Variants in TBC1D4 observed in about 807,000 individuals in gnomAD.
TBC1D4 encodes the protein TBC1 domain family member 4, also known as TBC (Tre-2, BUB2, CDC16) domain-containing protein.
TBC1D4 carries 121 observed loss-of-function variants against 142.5 expected under a neutral mutation model. The ratio of observed to expected loss-of-function variants is 0.85; its 90% confidence interval spans 0.73 to 0.99. The LOEUF is 0.99. Among genes scored for constraint, TBC1D4 ranks in the 50% least tolerant of loss-of-function variants. The pLI is 0.00. For synonymous variants in TBC1D4, 630 were observed against 628.2 expected (o/e 1.00, Z -0.04); for missense variants, 1,475 against 1,606.6 (o/e 0.92, Z 1.40).
In TBC1D4 at chr13:75,482,029, T is replaced by G. The variant is rs7329179; in HGVS notation, c.-262A>C. The stretch of plus-strand genomic sequence containing the variant: ...CGGGTTAAATGGGCATCCTCCTCCT[T>G]GGGCTGGCGCCTCGGGCAGGACCTC... On this transcript the variant is annotated 5_prime_UTR_variant, in exon 1 of 21. Coordinates refer to ENST00000377636, the MANE Select transcript of TBC1D4 (RefSeq NM_014832.5). 5.2e-6 allele frequency: 2 copies of G among 386,144 alleles called. No individual in the cohort carries two copies. Among genetic ancestry groups the G allele is most frequent in the African/African-American group, 2.1e-5 (1 of 47,718 alleles). 23.9% of individuals were successfully genotyped at this position (386,144 alleles called of 1,614,324 possible). A position where few individuals can be genotyped will look rare whatever the true frequency, so the allele number is the denominator to read the frequency against.
chr13:75,398,839 G>C (rs529992494), intron 1 of TBC1D4, among the ~76,000 whole-genome samples: 1 of 152,214 alleles, frequency 6.6e-6, no homozygotes, highest in African/African-American at 2.4e-5. Flanking sequence ...AAAGATCTGA[G>C]GACCTGTCTC....
chr13:75,436,651 T>C (rs1237811960), intron 1 of TBC1D4, among the ~76,000 whole-genome samples: 1 of 147,716 alleles, frequency 6.8e-6, no homozygotes, highest in Admixed American at 6.7e-5. Flanking sequence ...AGTGAGACCC[T>C]GTCTCCAAAA....
rs141957260 is a variant in TBC1D4 at position 75,326,547 on chromosome 13, T to C, written c.1807-124A>G. ...TCCTGAGTCATGACAAAACTGTTTT[T>C]CCTCCCCCTTTTACTTAATTTATGC... On this transcript the variant is annotated intron_variant, in intron 9 of 20. Coordinates refer to ENST00000377636, the MANE Select transcript of TBC1D4 (RefSeq NM_014832.5). The C allele has an allele frequency of 1.1e-4, 107 of 1,001,606 alleles. No homozygotes were observed. The African/African-American group carries it at 1.7e-3, about 16-fold the overall frequency. 62.0% of individuals were successfully genotyped at this position (1,001,606 alleles called of 1,614,324 possible).
chr13:75,366,426 G>T lies in TBC1D4; in HGVS notation c.499-3819C>A, dbSNP rs137954863. Among the ~76,000 whole-genome samples, 384 of 141,726 alleles carry T rather than the reference G, an allele frequency of 2.7e-3. 2 individuals carry two copies. The highest frequency in any genetic ancestry group is 5.7e-3 in the Admixed American group (80 of 13,958). 93.0% of individuals were successfully genotyped at this position (141,726 alleles called of 152,430 possible). ...TTTTTGGATTAATGCCAATATAAAG[G>T]CAGGATAATGTACAATCAAGAGAGG... is the stretch of plus-strand genomic sequence containing the variant. On this transcript the variant is annotated intron_variant, in intron 1 of 20. Coordinates refer to ENST00000377636, the MANE Select transcript of TBC1D4 (RefSeq NM_014832.5).
intron 1 of TBC1D4, among the ~76,000 whole-genome samples, chr13:75,427,576 C>G (rs567340126): frequency 1.1e-4 from 16 of 152,310 alleles, no homozygotes; most frequent in Admixed American, 5.9e-4. Context: ...CCCATCAGAG[C>G]AGCTAGTGAA....
chr13:75,336,491 T>A (rs1267094193), intron 8 of TBC1D4, among the ~76,000 whole-genome samples: 1 of 152,168 alleles, frequency 6.6e-6, no homozygotes, highest in Non-Finnish European at 1.5e-5. Flanking sequence ...GTGAATCACT[T>A]GAGGTCAGGA....
intron 1 of TBC1D4, among the ~76,000 whole-genome samples, chr13:75,410,141 G>C: frequency 6.6e-6 from 1 of 152,314 alleles, no homozygotes; most frequent in Admixed American, 6.5e-5. Flanking sequence ...GTATGCTCAT[G>C]ATAATCACTC....
intron 13 of TBC1D4, among the ~76,000 whole-genome samples, chr13:75,312,331 G>C (rs911208851): frequency 1.3e-5 from 2 of 151,214 alleles, no homozygotes; most frequent in African/African-American, 4.9e-5. Flanking sequence ...ATGATTGCTT[G>C]AGCCCAGGAG....
intron 15 of TBC1D4, among the ~76,000 whole-genome samples, chr13:75,303,691 A>C (rs1294187307): frequency 1.3e-5 from 2 of 152,234 alleles, no homozygotes; most frequent in African/African-American, 2.4e-5. Context: ...GTACAAGCTG[A>C]AAGTATTATT....
intron 1 of TBC1D4, chr13:75,375,767 C>CA (rs373693719): frequency 4.3e-5 from 3 of 69,192 alleles, no homozygotes; most frequent in Non-Finnish European, 6.2e-5. Context: ...TACTGCCCCA[C>CA]CCCCCCCACA....
chr13:75,371,525 T>C (rs1162353256), intron 1 of TBC1D4, among the ~76,000 whole-genome samples: 5 of 152,218 alleles, frequency 3.3e-5, no homozygotes, highest in Non-Finnish European at 7.3e-5. Flanking sequence ...GCAAGCTTGC[T>C]CATTAGCTAA....
rs1327060498 is a variant in TBC1D4 at position 75,312,851 on chromosome 13, G to A, written c.2270C>T (p.Ser757Phe). ...KRTSSTCSNE[S>F]LSVGGTSVTP... Reference sequence around the variant, plus strand: ...GACAGAGGTTCCTCCCACACTTAGGGACTCATTGCTGCAGGTAGATGAGGT... The same window carrying A: ...GACAGAGGTTCCTCCCACACTTAGGAACTCATTGCTGCAGGTAGATGAGGT... The change falls in exon 13 of 21, where the codon TCC (serine) becomes TTC (phenylalanine). Residue 757 changes from serine (S) to phenylalanine (F), a missense_variant. Physicochemically the swap from Ser to Phe is radical, Grantham distance 155 (BLOSUM62 -2). This residue lies in a region of TBC1D4 where 1,227 missense variants were observed against 1,267.7 expected (regional missense o/e 0.97). Coordinates refer to ENST00000377636, the MANE Select transcript of TBC1D4 (RefSeq NM_014832.5). The A allele has an allele frequency of 2.5e-6, 4 of 1,614,042 alleles. No homozygotes were observed. The highest frequency in any genetic ancestry group is 3.4e-6 in the Non-Finnish European group (4 of 1,180,034).
At chr13:75,451,351 T>A (rs1887523040) in intron 1 of TBC1D4, among the ~76,000 whole-genome samples, 1 of 151,936 alleles carries the variant, frequency 6.6e-6, no homozygotes, top group Non-Finnish European at 1.5e-5. Context: ...TATTTAAGAG[T>A]CAGTAGATAA....
chr13:75,412,037 A>G (rs1885694490), intron 1 of TBC1D4, among the ~76,000 whole-genome samples: 1 of 152,218 alleles, frequency 6.6e-6, no homozygotes, highest in Non-Finnish European at 1.5e-5. Context: ...GTTGGGGGGT[A>G]GGCCTAGGGA....
chr13:75,287,992 C>T (rs978991733), intron 20 of TBC1D4, among the ~76,000 whole-genome samples: 1 of 152,104 alleles, frequency 6.6e-6, no homozygotes, highest in Non-Finnish European at 1.5e-5. Context: ...ACTCTTAAGC[C>T]CCTCCCCTCA....
chr13:75,469,999 T>G (rs932576865), intron 1 of TBC1D4, among the ~76,000 whole-genome samples: 1 of 152,116 alleles, frequency 6.6e-6, no homozygotes, highest in Admixed American at 6.5e-5. Flanking sequence ...AACAAAAAAT[T>G]TTTAAGTAGG....
intron 1 of TBC1D4, among the ~76,000 whole-genome samples, chr13:75,455,277 C>A (rs1887684197): frequency 6.6e-6 from 1 of 152,170 alleles, no homozygotes; most frequent in African/African-American, 2.4e-5. Context: ...CCACTCCGTA[C>A]ACCTAGATAT....
intron 1 of TBC1D4, among the ~76,000 whole-genome samples, chr13:75,382,678 C>G (rs758990330): frequency 1.8e-4 from 27 of 152,180 alleles, no homozygotes; most frequent in Non-Finnish European, 3.5e-4. Flanking sequence ...TTTATAAACT[C>G]TATATTTAGA....
intron 10 of TBC1D4, among the ~76,000 whole-genome samples, chr13:75,325,899 C>T (rs2060134): frequency 1.3e-5 from 2 of 152,038 alleles, no homozygotes; most frequent in Admixed American, 1.3e-4. Flanking sequence ...CAAGACACTG[C>T]GTAACGTGTT....
Sources: allele counts gnomAD v4.1 joint callset (sites outside exome capture counted in the v4.1 genomes callset), GRCh38; gene constraint gnomAD v4.1.1; regional missense constraint gnomAD v4.1.1; transcripts MANE v1.5; gene names NCBI Gene and HGNC (gene_info 2026-07-23, HGNC 2026-07-21).